The following NSMAF variants were observed in gnomAD, a reference collection of about 807,000 sequenced individuals.
The protein encoded by NSMAF is protein FAN.
Under a neutral mutation model 134.9 loss-of-function variants are expected in NSMAF, and 90 were observed. The observed-to-expected ratio is 0.67, with a 90% confidence interval of 0.56 to 0.79. The LOEUF (loss-of-function observed/expected upper bound fraction) is 0.79. Ranked by LOEUF, NSMAF falls within the 30% of genes least tolerant of loss-of-function variation. The probability of loss-of-function intolerance (pLI) is 0.00; values close to 1 mark genes in which losing one functional copy is unlikely to be tolerated. For missense variants in NSMAF, 1,010 were observed against 1,119.0 expected, an observed-to-expected ratio of 0.90 and a Z score of 1.39; for synonymous variants, 358 against 389.6, an observed-to-expected ratio of 0.92 and a Z score of 0.96.
intron 22 of NSMAF, 115 bp downstream of exon 22, chr8:58,595,445 C>A (rs1217400251): frequency 4.4e-6 from 3 of 686,116 alleles, no homozygotes; most frequent in Middle Eastern, 2.9e-4. Context: ...AAAATAAAGA[C>A]AACATTGAAA....
chr8:58,659,333 G>T, intron 1 of NSMAF: 6 of 1,527,476 alleles, frequency 3.9e-6, no homozygotes, highest in Non-Finnish European at 5.3e-6. Flanking sequence ...GTGGAATCTG[G>T]CCTGGCCCGT....
intron 2 of NSMAF, among the ~76,000 whole-genome samples, chr8:58,638,454 C>A (rs971375969): frequency 1.3e-5 from 2 of 150,210 alleles, no homozygotes; most frequent in Non-Finnish European, 2.9e-5. Flanking sequence ...CTGTACAGAC[C>A]AATGGAACAC....
rs959649461 is a variant in NSMAF at position 58,586,985 on chromosome 8, G to A, written c.2296-377C>T. Among the ~76,000 whole-genome samples, 23 of 152,110 alleles carry A rather than the reference G, an allele frequency of 1.5e-4. 1 individual carries two copies. Among genetic ancestry groups the A allele is most frequent in the Non-Finnish European group, 4.4e-5 (3 of 68,028 alleles). On this transcript the variant is annotated intron_variant, in intron 27 of 30. Coordinates refer to ENST00000038176, the MANE Select transcript of NSMAF (RefSeq NM_003580.4). ...TATTTGAGGGATTTGTGGGAGTGGC[G>A]GAATCTCTCGAGGCTATACTTGCAC...
intron 9 of NSMAF, among the ~76,000 whole-genome samples, chr8:58,620,634 C>A (rs929088140): frequency 3.3e-5 from 5 of 151,850 alleles, no homozygotes; most frequent in African/African-American, 4.8e-5. Context: ...GGTATAGTAA[C>A]CTTTGATATT....
At chr8:58,656,696 G>A (rs1807720743) in intron 1 of NSMAF, among the ~76,000 whole-genome samples, 1 of 151,990 alleles carries the variant, frequency 6.6e-6, no homozygotes, top group Non-Finnish European at 1.5e-5. Context: ...CGGGCGTGGT[G>A]ACAGGCGCCT....
intron 26 of NSMAF, among the ~76,000 whole-genome samples, chr8:58,588,060 T>C (rs1316146480): frequency 6.6e-6 from 1 of 152,118 alleles, no homozygotes; most frequent in Admixed American, 6.5e-5. Context: ...TAACTAAAAA[T>C]AGGTACAGGC....
intron 9 of NSMAF, among the ~76,000 whole-genome samples, chr8:58,618,587 C>T (rs1806717372): frequency 6.6e-6 from 1 of 151,676 alleles, no homozygotes; most frequent in African/African-American, 2.4e-5. Flanking sequence ...ATAATACAAA[C>T]ATACACATTT....
At chr8:58,601,230 G>T in intron 16 of NSMAF, 55 bp downstream of exon 16, 1 of 1,376,480 alleles carries the variant, frequency 7.3e-7, no homozygotes, top group Non-Finnish European at 1.0e-6. Context: ...CAAGTATGTT[G>T]TATATATACA....
intron 5 of NSMAF, among the ~76,000 whole-genome samples, chr8:58,631,786 A>T (rs1028973670): frequency 2.6e-5 from 4 of 152,188 alleles, no homozygotes; most frequent in African/African-American, 9.7e-5. Context: ...ATTACAAGAT[A>T]AATAAATACA....
intron 2 of NSMAF, among the ~76,000 whole-genome samples, chr8:58,639,286 T>TAAA (rs747282052): frequency 1.9e-5 from 2 of 107,650 alleles, no homozygotes. Context: ...TCCGTCTCAA[T>TAAA]AAAAAAAAAA....
In NSMAF at chr8:58,599,118, A is replaced by G. The variant is rs1806212846; in HGVS notation, c.1585+114T>C. 15 of 993,894 alleles carry G rather than the reference A, an allele frequency of 1.5e-5. No individual in the cohort carries two copies. The South Asian group carries it at 2.2e-4, about 15-fold the overall frequency. The allele number at this position is 993,894 out of a possible 1,614,324, so 61.6% of individuals were successfully genotyped here. On this transcript the variant is annotated intron_variant, in intron 19 of 30. Coordinates refer to ENST00000038176, the MANE Select transcript of NSMAF (RefSeq NM_003580.4). ...ATGCTTCCACTGAAGAAATAAGACT[A>G]ATTGCTTTGGCCTCATTTTTTTGTT...
chr8:58,611,796 TATATTAAAC>T (rs1806535329), intron 9 of NSMAF, among the ~76,000 whole-genome samples: 1 of 152,022 alleles, frequency 6.6e-6, no homozygotes, highest in African/African-American at 2.4e-5. Flanking sequence ...TCTGAAGGAA[TATATTAAAC>T]ATACTAACTT....
intron 9 of NSMAF, among the ~76,000 whole-genome samples, chr8:58,620,634 C>T (rs929088140): frequency 6.6e-6 from 1 of 151,970 alleles, no homozygotes; most frequent in South Asian, 2.1e-4. Context: ...GGTATAGTAA[C>T]CTTTGATATT....
chr8:58,604,454 G>A (rs992681871), intron 12 of NSMAF, among the ~76,000 whole-genome samples: 13 of 150,818 alleles, frequency 8.6e-5, no homozygotes, highest in African/African-American at 3.2e-4. Context: ...TTGTAACAAA[G>A]CTATACTTAT....
intron 21 of NSMAF, chr8:58,595,883 T>C: frequency 2.4e-6 from 1 of 412,360 alleles, no homozygotes; most frequent in Non-Finnish European, 4.5e-6. Context: ...AGAATCTTTT[T>C]ATACTTTAAC....
intron 1 of NSMAF, among the ~76,000 whole-genome samples, chr8:58,648,124 C>T (rs1585765541): frequency 1.3e-5 from 2 of 152,174 alleles, no homozygotes; most frequent in South Asian, 2.1e-4. Flanking sequence ...AAACAAAGGT[C>T]GCCCTTGTTA....
At chr8:58,628,690 T>G (rs768099960) in intron 6 of NSMAF, among the ~76,000 whole-genome samples, 1 of 152,206 alleles carries the variant, frequency 6.6e-6, no homozygotes, top group Admixed American at 6.5e-5. Context: ...ATTGAAGGAC[T>G]CACTTTAGCA....
Position 58,635,228 on chromosome 8 carries a change from A to G in NSMAF, c.297-3T>C, listed in dbSNP as rs1221714757. On this transcript the variant is annotated splice_polypyrimidine_tract_variant and splice_region_variant and intron_variant, in intron 4 of 30. Transcript: ENST00000038176. The stretch of plus-strand genomic sequence containing the variant: ...GTGAAATACCCCCAGATTTTGCCCT[A>G]AAATACAGATAAAAGTCATTAAATA... 6.2e-7 allele frequency: 1 copy of G among 1,612,038 alleles called. No homozygotes were observed. The highest frequency in any genetic ancestry group is 8.5e-7 in the Non-Finnish European group (1 of 1,178,460).
intron 27 of NSMAF, among the ~76,000 whole-genome samples, chr8:58,586,822 A>T (rs1485128126): frequency 6.6e-6 from 1 of 152,244 alleles, no homozygotes; most frequent in Admixed American, 6.5e-5. Flanking sequence ...AGGGAATACA[A>T]GAAGAAATGA....
Sources: gnomAD v4.1 joint callset for allele counts (sites outside exome capture counted in the v4.1 genomes callset) on GRCh38, gnomAD v4.1.1 for gene constraint, MANE v1.5 for transcripts, NCBI Gene and HGNC (gene_info 2026-07-23, HGNC 2026-07-21) for gene names.